TAL1: variants seen among roughly 807,000 people sequenced by gnomAD.
TAL1 encodes TAL bHLH transcription factor 1, erythroid differentiation factor, also known as T-cell acute lymphocytic leukemia protein 1.
A neutral mutation model predicts 17.9 loss-of-function variants in TAL1; 8 were observed. The observed-to-expected ratio is 0.45, with a 90% confidence interval of 0.26 to 0.81. TAL1 has a LOEUF of 0.81. Among genes scored for constraint, TAL1 ranks in the 30% least tolerant of loss-of-function variants. The pLI is 0.17. For synonymous variants in TAL1, 223 were observed against 218.6 expected (o/e 1.02, Z -0.18); for missense variants, 466 against 486.9 (o/e 0.96, Z 0.40).
intron 1 of TAL1, chr1:47,227,887 C>T (rs1267722311): frequency 1.3e-5 from 2 of 152,232 alleles, no homozygotes; most frequent in Non-Finnish European, 2.9e-5. Context: ...TGGTTCCCTA[C>T]CTCACTGCTC....
At chr1:47,220,271 C>G in intron 3 of TAL1, 97 bp from the exon 5 acceptor site, 2 of 1,403,470 alleles carry the variant, frequency 1.4e-6, no homozygotes, top group Non-Finnish European at 1.9e-6. Flanking sequence ...CCTAGAATGC[C>G]TACTTTCCTT....
chr1:47,232,112 A>C, upstream of TAL1: 1 of 225,998 alleles, frequency 4.4e-6, no homozygotes, highest in Non-Finnish European at 8.8e-6. Flanking sequence ...TTGATGAAGA[A>C]TTCGGTGGGA....
chr1:47,219,223 T>C (rs536434953), exon 4 of TAL1: 4 of 442,054 alleles, frequency 9.0e-6, no homozygotes, highest in South Asian at 2.1e-5. Context: ...TGGATCAACA[T>C]AGGCCTGGGT....
intron 3 of TAL1, among the ~76,000 whole-genome samples, chr1:47,221,067 G>A (rs552363410): frequency 3.7e-4 from 56 of 152,364 alleles, no homozygotes; most frequent in Middle Eastern, 6.8e-3. Context: ...GGAGTCCTGT[G>A]CACAAGATCA....
upstream of TAL1, chr1:47,230,746 G>T (rs912807375): frequency 2.0e-5 from 3 of 152,218 alleles, no homozygotes; most frequent in East Asian, 5.8e-4. Context: ...AGATGTTAAT[G>T]ATGACGATTG....
rs80343376 is a variant in TAL1 at position 47,218,100 on chromosome 1, G to T, written c.*1620C>A. On this transcript the variant is annotated 3_prime_UTR_variant, in exon 4 of 4. Transcript: ENST00000294339. ...CTAGGCTGAAGCCCAAACTATAAGG[G>T]GGGGCTTTCCAGACAGCCACAGTGA... The T allele has an allele frequency of 2.1e-3, 537 of 259,336 alleles. 6 individuals carry two copies. In the East Asian group the frequency reaches 0.027, roughly 13 times the overall value. 16.1% of individuals were successfully genotyped at this position (259,336 alleles called of 1,614,324 possible).
At position 47,225,506 on chromosome 1, in the gene TAL1, G is replaced by T. The variant is rs890079183; in HGVS notation, c.383C>A (p.Ala128Asp). 10 of 1,235,332 alleles carry T rather than the reference G, an allele frequency of 8.1e-6. No individual in the cohort carries two copies. In the African/African-American group the frequency reaches 1.4e-4, roughly 17 times the overall value. The allele number at this position is 1,235,332 out of a possible 1,614,324, so 76.5% of individuals were successfully genotyped here. ...CAGCGCGCGGCCGGGGGCGGCGGGGGCAGCCAGCGCGGGAGGACTCAGCTG... is the reference window on the plus strand; with the variant it reads ...CAGCGCGCGGCCGGGGGCGGCGGGGTCAGCCAGCGCGGGAGGACTCAGCTG... Residue 128 changes from alanine to aspartate, a missense_variant, in exon 2 of 4, where the codon GCC (alanine) becomes GAC (aspartate). Physicochemically the swap from Ala to Asp is moderately radical, Grantham distance 126. Transcript: ENST00000294339.
At chr1:47,220,498 T>C (rs1048749402) in intron 3 of TAL1, among the ~76,000 whole-genome samples, 37 of 152,184 alleles carry the variant, frequency 2.4e-4, no homozygotes, top group Non-Finnish European at 1.0e-4. Flanking sequence ...CATTCATCCA[T>C]TCACTTGTGC....
intron 3 of TAL1, 106 bp downstream of exon 4, chr1:47,223,898 G>A (rs1350610113): frequency 1.9e-5 from 22 of 1,138,986 alleles, no homozygotes; most frequent in Middle Eastern, 4.0e-4. Flanking sequence ...AAAGTGGCCC[G>A]CCCATCTTTG....
intron 3 of TAL1, among the ~76,000 whole-genome samples, chr1:47,221,730 A>T (rs1014764302): frequency 6.6e-6 from 1 of 152,208 alleles, no homozygotes; most frequent in Non-Finnish European, 1.5e-5. Flanking sequence ...CCTAAGTCCC[A>T]CTGCCCATTT....
At chr1:47,216,610 C>A (rs961538073) in exon 4 of TAL1, 1 of 231,926 alleles carries the variant, frequency 4.3e-6, no homozygotes, top group Non-Finnish European at 8.5e-6. Flanking sequence ...TACGGCCAGA[C>A]CCACCCCCAA....
intron 3 of TAL1, chr1:47,223,762 A>G (rs1643868871): frequency 1.0e-5 from 5 of 479,944 alleles, no homozygotes; most frequent in South Asian, 3.4e-5. Flanking sequence ...GCTAAGCGCC[A>G]TTATGTGTCT....
rs763158329 is a variant in TAL1 at position 47,228,551 on chromosome 1, G to A, written c.-2+645C>T. ...TGCCAGAACAAGACAGAAGACCCCA[G>A]GAGATTCTTCCTGGGGACAGGTCTC... On this transcript the variant is annotated intron_variant, in intron 1 of 3. Coordinates refer to ENST00000294339, the Ensembl canonical transcript of TAL1. 3.4e-5 allele frequency: 6 copies of A among 179,050 alleles called. No homozygotes were observed. The East Asian group carries it at 5.5e-4, about 17-fold the overall frequency. The allele number at this position is 179,050 out of a possible 1,614,324, so 11.1% of individuals were successfully genotyped here.
At chr1:47,225,550 G>C in exon 2 of TAL1, 2 of 1,274,358 alleles carry the variant, frequency 1.6e-6, no homozygotes, top group Non-Finnish European at 2.0e-6. Flanking sequence ...GGCCGTCGCC[G>C]GGCAGCTCCG....
exon 4 of TAL1, chr1:47,218,875 T>C (rs1047748495): frequency 1.6e-5 from 4 of 245,628 alleles, no homozygotes; most frequent in African/African-American, 6.6e-5. Flanking sequence ...CTCGCCAGCA[T>C]GAACAGTGAT....
At chr1:47,225,886 C>A in exon 2 of TAL1, 1 of 1,556,520 alleles carries the variant, frequency 6.4e-7, no homozygotes, top group South Asian at 1.1e-5. Flanking sequence ...GCCGCTCGGT[C>A]ATCCTGTGGG....
At chr1:47,222,355 T>G (rs1367989434) in intron 3 of TAL1, among the ~76,000 whole-genome samples, 1 of 152,196 alleles carries the variant, frequency 6.6e-6, no homozygotes, top group Admixed American at 6.5e-5. Flanking sequence ...TTGATCAAGC[T>G]GGGTAACCTC....
chr1:47,232,192 G>C (rs1294176852), upstream of TAL1: 1 of 193,714 alleles, frequency 5.2e-6, no homozygotes, highest in Non-Finnish European at 1.1e-5. Context: ...GGGTACGCGT[G>C]TGGCCATTTT....
At chr1:47,226,612 C>A (rs956206881) in intron 1 of TAL1, among the ~76,000 whole-genome samples, 1 of 152,200 alleles carries the variant, frequency 6.6e-6, no homozygotes, top group Non-Finnish European at 1.5e-5. Flanking sequence ...GAGTCCTCTG[C>A]CCGCCCAGCG....
Sources: gnomAD v4.1 joint callset for allele counts (sites outside exome capture counted in the v4.1 genomes callset) on GRCh38, gnomAD v4.1.1 for gene constraint, MANE v1.5 for transcripts, NCBI Gene and HGNC (gene_info 2026-07-23, HGNC 2026-07-21) for gene names.